The following TLN2 variants were observed in gnomAD, a reference collection of about 807,000 sequenced individuals.
The protein encoded by TLN2 is talin-2.
Under a neutral mutation model 294.7 loss-of-function variants are expected in TLN2, and 118 were observed. The ratio of observed to expected loss-of-function variants is 0.40; its 90% CI spans 0.34 to 0.47. TLN2 has a LOEUF of 0.47. TLN2 is among the 20% of genes least tolerant of loss of function. The probability of loss-of-function intolerance (pLI) is 0.84; values close to 1 mark genes in which losing one functional copy is unlikely to be tolerated. For synonymous variants in TLN2, 1,431 were observed against 1,304.5 expected, an observed-to-expected ratio of 1.10 and a Z score of -2.09; for missense variants, 3,083 against 3,282.2, an observed-to-expected ratio of 0.94 and a Z score of 1.48.
At chr15:62,617,566 C>G (rs546017483) in intron 2 of TLN2, among the ~76,000 whole-genome samples, 7 of 152,284 alleles carry the variant, frequency 4.6e-5, no homozygotes, top group African/African-American at 1.7e-4. Context: ...TCTCTGAGCT[C>G]CCTGTGTTGG....
At chr15:62,611,299 G>A (rs1481686170) in intron 2 of TLN2, among the ~76,000 whole-genome samples, 1 of 152,192 alleles carries the variant, frequency 6.6e-6, no homozygotes, top group Non-Finnish European at 1.5e-5. Context: ...GCAGTACCAT[G>A]CCATTTGGGA....
chr15:62,461,193 G>A (rs1440361445), intron 1 of TLN2, among the ~76,000 whole-genome samples: 22 of 152,052 alleles, frequency 1.4e-4, no homozygotes, highest in Admixed American at 1.3e-3. Flanking sequence ...ATCCGCCTGC[G>A]TCGGCCTCCC....
At chr15:62,613,388 A>G (rs1483954099) in intron 2 of TLN2, among the ~76,000 whole-genome samples, 1 of 152,216 alleles carries the variant, frequency 6.6e-6, no homozygotes, top group Non-Finnish European at 1.5e-5. Context: ...TGTACTTAGT[A>G]TATGTTGCAT....
At chr15:62,411,371 A>T (rs772242724) in intron 1 of TLN2, among the ~76,000 whole-genome samples, 1 of 151,018 alleles carries the variant, frequency 6.6e-6, no homozygotes, top group Admixed American at 6.6e-5. Flanking sequence ...CAGATAGTTC[A>T]TGCTCCTGGG....
At chr15:62,455,266 T>C (rs2036405292) in intron 1 of TLN2, among the ~76,000 whole-genome samples, 1 of 151,346 alleles carries the variant, frequency 6.6e-6, no homozygotes, top group Non-Finnish European at 1.5e-5. Flanking sequence ...AGGAGAGAGG[T>C]GCTCGATGGA....
intron 51 of TLN2, among the ~76,000 whole-genome samples, chr15:62,809,095 T>TGTAGA (rs1289694806): frequency 6.6e-6 from 1 of 152,224 alleles, no homozygotes; most frequent in African/African-American, 2.4e-5. Context: ...AGAGGGAAGC[T>TGTAGA]GTAGAAGGAA....
chr15:62,595,494 A>G (rs2046419833), intron 2 of TLN2, among the ~76,000 whole-genome samples: 8 of 152,154 alleles, frequency 5.3e-5, no homozygotes, highest in Middle Eastern at 6.8e-3. Context: ...ACATCACTGG[A>G]AAGAATGTAA....
intron 14 of TLN2, among the ~76,000 whole-genome samples, chr15:62,694,611 G>C (rs1430065143): frequency 6.6e-6 from 1 of 152,208 alleles, no homozygotes; most frequent in Non-Finnish European, 1.5e-5. Flanking sequence ...CATTGACCAA[G>C]GTGTGGCATT....
intron 2 of TLN2, among the ~76,000 whole-genome samples, chr15:62,612,123 T>A (rs922658367): frequency 1.3e-5 from 2 of 152,184 alleles, no homozygotes; most frequent in African/African-American, 4.8e-5. Context: ...CTCAGCTTAG[T>A]TCAGTGCTTT....
intron 2 of TLN2, among the ~76,000 whole-genome samples, chr15:62,595,236 A>G (rs1019898899): frequency 6.6e-6 from 1 of 152,072 alleles, no homozygotes; most frequent in East Asian, 1.9e-4. Flanking sequence ...GCCTGGCCAC[A>G]TGGTGAAACC....
intron 28 of TLN2, among the ~76,000 whole-genome samples, chr15:62,729,041 TA>T (rs2060581983): frequency 6.6e-6 from 1 of 152,226 alleles, no homozygotes; most frequent in South Asian, 2.1e-4. Flanking sequence ...AGGATTCATT[TA>T]ATTGTTTTTC....
At chr15:62,801,555 C>T (rs1042680119) in intron 50 of TLN2, among the ~76,000 whole-genome samples, 2 of 152,186 alleles carry the variant, frequency 1.3e-5, no homozygotes, top group South Asian at 2.1e-4. Flanking sequence ...CCTGCAAAAG[C>T]GACCTAGAGC....
intron 1 of TLN2, among the ~76,000 whole-genome samples, chr15:62,399,751 G>T (rs989827272): frequency 3.3e-5 from 5 of 152,212 alleles, no homozygotes; most frequent in Non-Finnish European, 7.3e-5. Context: ...TTTGGAATGA[G>T]TGTATTTAGG....
chr15:62,762,525 C>A, intron 39 of TLN2, 72 bp downstream of exon 39: 1 of 1,509,408 alleles, frequency 6.6e-7, no homozygotes, highest in Non-Finnish European at 9.1e-7. Context: ...GCCCACCAGG[C>A]TTTTTACTTA....
chr15:62,648,909 C>T (rs1224356721), intron 4 of TLN2, among the ~76,000 whole-genome samples: 3 of 151,978 alleles, frequency 2.0e-5, no homozygotes, highest in Non-Finnish European at 4.4e-5. Flanking sequence ...GCAGTGGCCC[C>T]ATCACACTTC....
chr15:62,497,365 A>G (rs764888892), intron 1 of TLN2, among the ~76,000 whole-genome samples: 3 of 152,190 alleles, frequency 2.0e-5, no homozygotes, highest in Non-Finnish European at 4.4e-5. Flanking sequence ...GTTTAAATCT[A>G]TGAAGGTGAA....
chr15:62,413,549 C>T (rs12441688), intron 1 of TLN2, among the ~76,000 whole-genome samples: 18,509 of 152,244 alleles, frequency 0.12, 1,214 homozygotes, highest in Admixed American at 0.15. Context: ...GAGCGACCTA[C>T]GGAACACAGA....
At chr15:62,628,733 A>G (rs997954657) in intron 3 of TLN2, among the ~76,000 whole-genome samples, 2 of 152,192 alleles carry the variant, frequency 1.3e-5, no homozygotes, top group African/African-American at 2.4e-5. Context: ...AGTCCTGGCA[A>G]CCTTATGGGA....
chr15:62,691,152 G>T (rs2057873318), intron 12 of TLN2, among the ~76,000 whole-genome samples: 1 of 152,158 alleles, frequency 6.6e-6, no homozygotes, highest in East Asian at 1.9e-4. Context: ...ACTAATTTGG[G>T]GAAGTTTTCA....
Sources: gnomAD v4.1 joint callset for allele counts (sites outside exome capture counted in the v4.1 genomes callset) on GRCh38, gnomAD v4.1.1 for gene constraint, MANE v1.5 for transcripts, NCBI Gene and HGNC (gene_info 2026-07-23, HGNC 2026-07-21) for gene names.